KCNIP4: variants seen among roughly 807,000 people sequenced by gnomAD.
KCNIP4 encodes potassium voltage-gated channel interacting protein 4.
Under a neutral mutation model 34.0 loss-of-function variants are expected in KCNIP4, and 12 were observed. The observed-to-expected ratio is 0.35, with a 90% CI of 0.23 to 0.57. The LOEUF is 0.57. KCNIP4 is among the 20% of genes least tolerant of loss of function. The probability of loss-of-function intolerance (pLI) is 0.83; values close to 1 mark genes in which losing one functional copy is unlikely to be tolerated. For missense variants in KCNIP4, 238 were observed against 311.7 expected, an observed-to-expected ratio of 0.76 and a Z score of 1.78; for synonymous variants, 124 against 102.2, an observed-to-expected ratio of 1.21 and a Z score of -1.29.
chr4:21,625,284 A>T (rs1745248501), intron 1 of KCNIP4, among the ~76,000 whole-genome samples: 1 of 152,130 alleles, frequency 6.6e-6, no homozygotes, highest in Admixed American at 6.6e-5. Context: ...GGTATGCTGA[A>T]TGTTAAATAT....
intron 1 of KCNIP4, among the ~76,000 whole-genome samples, chr4:21,143,003 A>G (rs1752082393): frequency 1.3e-5 from 2 of 152,150 alleles, no homozygotes; most frequent in African/African-American, 4.8e-5. Context: ...GCAAGAAAAA[A>G]AAATTATAAA....
intron 1 of KCNIP4, among the ~76,000 whole-genome samples, chr4:21,532,276 A>G (rs1291810612): frequency 6.6e-6 from 1 of 152,174 alleles, no homozygotes; most frequent in East Asian, 1.9e-4. Flanking sequence ...ACCAATGATA[A>G]AACTGCATTT....
chr4:21,833,673 A>G (rs1258972586), intron 1 of KCNIP4, among the ~76,000 whole-genome samples: 1 of 151,960 alleles, frequency 6.6e-6, no homozygotes, highest in Non-Finnish European at 1.5e-5. Context: ...GCCCATGCCT[A>G]TGTCCTGAAT....
chr4:20,864,535 G>T (rs1325809960), intron 2 of KCNIP4, among the ~76,000 whole-genome samples: 1 of 151,920 alleles, frequency 6.6e-6, no homozygotes, highest in Non-Finnish European at 1.5e-5. Flanking sequence ...ACAGAGTCAG[G>T]GAATGGAGTC....
intron 1 of KCNIP4, among the ~76,000 whole-genome samples, chr4:21,304,333 C>T (rs1204313216): frequency 1.3e-5 from 2 of 152,152 alleles, no homozygotes; most frequent in African/African-American, 2.4e-5. Context: ...CGCAGATCAC[C>T]CGAGGACCCA....
chr4:20,845,356 C>G (rs536134120), intron 3 of KCNIP4, among the ~76,000 whole-genome samples: 1 of 152,162 alleles, frequency 6.6e-6, no homozygotes, highest in Admixed American at 6.5e-5. Context: ...GATCAATCAA[C>G]CTAGTGACAC....
chr4:21,463,425 C>T (rs1729648262), intron 1 of KCNIP4, among the ~76,000 whole-genome samples: 1 of 151,786 alleles, frequency 6.6e-6, no homozygotes, highest in South Asian at 2.1e-4. Flanking sequence ...ATACCTCATC[C>T]CTGGGCAACC....
At chr4:20,900,525 T>TC (rs1727051985) in intron 1 of KCNIP4, among the ~76,000 whole-genome samples, 1 of 152,210 alleles carries the variant, frequency 6.6e-6, no homozygotes. Context: ...AGGCTTCTCT[T>TC]CATAAATAAA....
At chr4:21,860,320 G>T (rs1422151488) in intron 1 of KCNIP4, among the ~76,000 whole-genome samples, 1 of 152,024 alleles carries the variant, frequency 6.6e-6, no homozygotes, top group East Asian at 1.9e-4. Context: ...TTTTAGTAGA[G>T]ACAGGGTTTC....
intron 1 of KCNIP4, among the ~76,000 whole-genome samples, chr4:21,360,005 T>G (rs1719050272): frequency 6.6e-6 from 1 of 152,116 alleles, no homozygotes; most frequent in African/African-American, 2.4e-5. Context: ...TTGCAAATAG[T>G]TGACATTAGA....
At chr4:21,158,361 A>T (rs1753310558) in intron 1 of KCNIP4, among the ~76,000 whole-genome samples, 1 of 151,994 alleles carries the variant, frequency 6.6e-6, no homozygotes, top group Non-Finnish European at 1.5e-5. Flanking sequence ...AAAAAAAAAT[A>T]CAGAGTAATA....
intron 1 of KCNIP4, among the ~76,000 whole-genome samples, chr4:21,895,172 T>C (rs11726966): frequency 0.093 from 14,103 of 152,260 alleles, 750 homozygotes; most frequent in Non-Finnish European, 0.12. Context: ...AGTATTTGTT[T>C]GTTTTGTTTT....
rs77800261 is a variant in KCNIP4 at position 21,315,794 on chromosome 4, T to A, written c.62-433085A>T. On this transcript the variant is annotated intron_variant, in intron 1 of 8. Transcript: ENST00000382152. The stretch of plus-strand genomic sequence containing the variant: ...CTCTTCCCTTCTGATCTACCCACTG[T>A]ATACCTTGTTGTCAAAGTGAAAGGA... Among the ~76,000 whole-genome samples the A allele has an allele frequency of 2.9e-3, 441 of 152,298 alleles. 3 individuals carry two copies. Among genetic ancestry groups the A allele is most frequent in the African/African-American group, 8.8e-3 (367 of 41,578 alleles).
chr4:21,115,178 C>T (rs753556008), intron 1 of KCNIP4, among the ~76,000 whole-genome samples: 7 of 152,076 alleles, frequency 4.6e-5, no homozygotes, highest in Non-Finnish European at 1.0e-4. Context: ...CCACTGTTAC[C>T]CCATGTGCAT....
chr4:21,652,843 A>C (rs1424143259), intron 1 of KCNIP4, among the ~76,000 whole-genome samples: 1 of 152,202 alleles, frequency 6.6e-6, no homozygotes, highest in African/African-American at 2.4e-5. Context: ...GAGTGGGAGC[A>C]AGAGGAAGCA....
At chr4:20,753,809 T>C (rs948689480) in intron 4 of KCNIP4, among the ~76,000 whole-genome samples, 3 of 152,234 alleles carry the variant, frequency 2.0e-5, no homozygotes, top group Non-Finnish European at 4.4e-5. Context: ...TTTATTTTAA[T>C]CTTTATGTCT....
At chr4:21,753,062 G>T (rs1717261276) in intron 1 of KCNIP4, among the ~76,000 whole-genome samples, 2 of 152,112 alleles carry the variant, frequency 1.3e-5, no homozygotes, top group African/African-American at 4.8e-5. Context: ...CTGTTTATCA[G>T]TTTTTCAAGG....
intron 1 of KCNIP4, among the ~76,000 whole-genome samples, chr4:20,976,658 G>T (rs1259638938): frequency 6.6e-6 from 1 of 151,990 alleles, no homozygotes. Flanking sequence ...AAAAGCACCT[G>T]TGGGCCCCTG....
Position 20,886,828 on chromosome 4 carries a change from A to G in KCNIP4, c.62-4119T>C, listed in dbSNP as rs532016827. Reference sequence around the variant, plus strand: ...AGAATGCTTCGAAACAATATTCAATATATTTTAAAAGAAGGCAACATGACC... The same window carrying G: ...AGAATGCTTCGAAACAATATTCAATGTATTTTAAAAGAAGGCAACATGACC... On this transcript the variant is annotated intron_variant, in intron 1 of 8. Transcript: ENST00000382152. Among the ~76,000 whole-genome samples, 14 of 152,340 alleles carry G rather than the reference A, an allele frequency of 9.2e-5. No individual in the cohort carries two copies. The East Asian group carries it at 1.7e-3, about 19-fold the overall frequency.
Sources: gnomAD v4.1 joint callset for allele counts (sites outside exome capture counted in the v4.1 genomes callset) on GRCh38, gnomAD v4.1.1 for gene constraint, MANE v1.5 for transcripts, NCBI Gene and HGNC (gene_info 2026-07-23, HGNC 2026-07-21) for gene names.